The following NEGR1 variants were observed in gnomAD, a reference collection of about 807,000 sequenced individuals.
NEGR1 encodes the protein IgLON family member 4.
Under a neutral mutation model 40.9 loss-of-function variants are expected in NEGR1, and 10 were observed. The observed-to-expected ratio is 0.24, with a 90% CI of 0.15 to 0.42. The LOEUF (loss-of-function observed/expected upper bound fraction) is 0.42, where lower values mean the gene tolerates loss of function less well. NEGR1 is among the 10% of genes least tolerant of loss of function. NEGR1 has a pLI of 1.00. For missense variants in NEGR1, 352 were observed against 438.9 expected (o/e 0.80, Z 1.77); for synonymous variants, 185 against 166.8 (o/e 1.11, Z -0.84).
rs1016402503 is a variant in NEGR1, at chr1:71,401,547, T to C, written c.*5899A>G. On this transcript the variant is annotated 3_prime_UTR_variant, in exon 7 of 7. Coordinates refer to ENST00000357731, the MANE Select transcript of NEGR1 (RefSeq NM_173808.3). Reference sequence around the variant, plus strand: ...CTTAGGTTGCATATCATTTAATTTCTAGAATTAGAATCTTTCTCTTGTTCT... The same window carrying C: ...CTTAGGTTGCATATCATTTAATTTCCAGAATTAGAATCTTTCTCTTGTTCT... The C allele has an allele frequency of 1.3e-5, 2 of 152,260 alleles. No homozygotes were observed. 9.4% of individuals were successfully genotyped at this position (152,260 alleles called of 1,614,324 possible). A position where few individuals can be genotyped will look rare whatever the true frequency, so the allele number is the denominator to read the frequency against.
intron 4 of NEGR1, among the ~76,000 whole-genome samples, chr1:71,692,923 T>A (rs1653342396): frequency 6.6e-6 from 1 of 151,796 alleles, no homozygotes; most frequent in South Asian, 2.1e-4. Flanking sequence ...TACAAAATAA[T>A]TTCTGATACC....
chr1:71,628,782 T>C (rs1650876012), intron 4 of NEGR1, among the ~76,000 whole-genome samples: 1 of 152,154 alleles, frequency 6.6e-6, no homozygotes, highest in Admixed American at 6.6e-5. Context: ...CTATGGTGTA[T>C]ATATGCCACA....
chr1:71,779,106 C>T (rs953291166), intron 2 of NEGR1, among the ~76,000 whole-genome samples: 91 of 152,210 alleles, frequency 6.0e-4, no homozygotes, highest in African/African-American at 2.1e-3. Flanking sequence ...TGACAAGGCT[C>T]CTCTCCCCAG....
chr1:71,537,308 C>G (rs17091337), intron 6 of NEGR1, among the ~76,000 whole-genome samples: 13,596 of 151,526 alleles, frequency 0.09, 689 homozygotes, highest in African/African-American at 0.12. Flanking sequence ...TCTTAGCATC[C>G]CATTCTCTAC....
chr1:71,826,907 CTG>C lies in NEGR1; in HGVS notation c.410-50612_410-50611del, dbSNP rs139183034. ...GTAAAAAGAACATTCATTAAACTAA[CTG>C]GGGAGTGGTAAGCAAATAGCATTTT... On this transcript the variant is annotated intron_variant, in intron 2 of 6. Coordinates refer to ENST00000357731, the MANE Select transcript of NEGR1 (RefSeq NM_173808.3). Among the ~76,000 whole-genome samples the C allele has an allele frequency of 3.5e-4, 53 of 151,908 alleles. No homozygotes were observed. The East Asian group carries it at 0.01, about 29-fold the overall frequency.
At chr1:71,650,434 C>T (rs966918472) in intron 4 of NEGR1, among the ~76,000 whole-genome samples, 1 of 152,090 alleles carries the variant, frequency 6.6e-6, no homozygotes, top group Non-Finnish European at 1.5e-5. Flanking sequence ...GGACTGAAAA[C>T]TAGTAAGAAC....
intron 1 of NEGR1, among the ~76,000 whole-genome samples, chr1:72,083,116 C>A (rs1223070193): frequency 6.6e-6 from 1 of 152,034 alleles, no homozygotes; most frequent in Non-Finnish European, 1.5e-5. Flanking sequence ...ATTATAGAAA[C>A]AAATTAATTA....
At chr1:71,547,798 T>G (rs1313979519) in intron 6 of NEGR1, among the ~76,000 whole-genome samples, 9 of 151,724 alleles carry the variant, frequency 5.9e-5, no homozygotes. Context: ...TTTCTTGGTA[T>G]TCACATCATT....
At chr1:71,458,074 G>C (rs958543670) in intron 6 of NEGR1, among the ~76,000 whole-genome samples, 2 of 152,108 alleles carry the variant, frequency 1.3e-5, no homozygotes, top group Non-Finnish European at 2.9e-5. Context: ...AGATATACAA[G>C]TCTTTTATCC....
intron 1 of NEGR1, among the ~76,000 whole-genome samples, chr1:72,226,136 C>G (rs1328732213): frequency 2.0e-5 from 3 of 151,720 alleles, no homozygotes; most frequent in African/African-American, 7.3e-5. Context: ...TAATCAAGAT[C>G]TAAACTTTTT....
At chr1:71,582,157 A>G (rs538773048) in intron 6 of NEGR1, among the ~76,000 whole-genome samples, 2 of 152,310 alleles carry the variant, frequency 1.3e-5, no homozygotes, top group East Asian at 3.9e-4. Context: ...ATTGTAAAAT[A>G]AACACATGGA....
At chr1:72,059,427 C>T (rs952439638) in intron 1 of NEGR1, among the ~76,000 whole-genome samples, 27 of 151,574 alleles carry the variant, frequency 1.8e-4, no homozygotes, top group Non-Finnish European at 1.2e-4. Flanking sequence ...TTTGCCTTGA[C>T]GTGTCAAGTT....
At chr1:72,281,921 A>T (rs564537251) in intron 1 of NEGR1, among the ~76,000 whole-genome samples, 1 of 152,312 alleles carries the variant, frequency 6.6e-6, no homozygotes, top group East Asian at 1.9e-4. Context: ...AGAGAACAGC[A>T]GTTTGAAAGA....
At chr1:71,976,190 T>C (rs1646302238) in intron 1 of NEGR1, among the ~76,000 whole-genome samples, 2 of 152,236 alleles carry the variant, frequency 1.3e-5, no homozygotes, top group South Asian at 4.1e-4. Flanking sequence ...AAGGCAAGTT[T>C]ACATTTTTTG....
At chr1:72,251,212 C>A (rs992073106) in intron 1 of NEGR1, among the ~76,000 whole-genome samples, 1 of 152,030 alleles carries the variant, frequency 6.6e-6, no homozygotes, top group South Asian at 2.1e-4. Flanking sequence ...CTGTAGTGCA[C>A]CTTAAAGATA....
At chr1:71,457,890 G>A (rs1388510567) in intron 6 of NEGR1, among the ~76,000 whole-genome samples, 1 of 152,022 alleles carries the variant, frequency 6.6e-6, no homozygotes, top group Non-Finnish European at 1.5e-5. Flanking sequence ...TTTTAGTAGA[G>A]ACGGGGTTTC....
At chr1:72,153,293 CTA>C (rs1651194202) in intron 1 of NEGR1, among the ~76,000 whole-genome samples, 1 of 151,812 alleles carries the variant, frequency 6.6e-6, no homozygotes, top group African/African-American at 2.4e-5. Flanking sequence ...TGGAATAAAA[CTA>C]TAGTGAGATT....
intron 1 of NEGR1, among the ~76,000 whole-genome samples, chr1:72,201,302 T>A (rs1653195078): frequency 6.6e-6 from 1 of 150,670 alleles, no homozygotes; most frequent in Non-Finnish European, 1.5e-5. Context: ...TAAAAAATAA[T>A]TTTTTTATAT....
chr1:71,485,374 C>G (rs776548341), intron 6 of NEGR1, among the ~76,000 whole-genome samples: 1 of 151,522 alleles, frequency 6.6e-6, no homozygotes, highest in Non-Finnish European at 1.5e-5. Context: ...ATAGAATCCC[C>G]GATTATCAAC....
Sources: gnomAD v4.1 joint callset for allele counts (sites outside exome capture counted in the v4.1 genomes callset) on GRCh38, gnomAD v4.1.1 for gene constraint, MANE v1.5 for transcripts, NCBI Gene and HGNC (gene_info 2026-07-23, HGNC 2026-07-21) for gene names.